The following ADGRG2 variants were observed in gnomAD, a reference collection of about 807,000 sequenced individuals.
ADGRG2 encodes adhesion G protein-coupled receptor G2.
In ADGRG2, 26 loss-of-function variants were observed where a neutral mutation model predicts 74.1. That is an observed-to-expected ratio of 0.35 (90% CI 0.26 to 0.49). The LOEUF is 0.49. ADGRG2 is among the 20% of genes least tolerant of loss of function. ADGRG2 has a pLI of 0.99. For synonymous variants in ADGRG2, 296 were observed against 295.2 expected (o/e 1.00, Z -0.03); for missense variants, 619 against 763.1 (o/e 0.81, Z 2.22).
chrX:19,065,905 T>C (rs192173390), intron 3 of ADGRG2, among the ~76,000 whole-genome samples: 1 of 112,565 alleles, frequency 8.9e-6, no homozygotes, highest in African/African-American at 3.2e-5. Flanking sequence ...TGGAGTGCAA[T>C]GGCATGATCT....
chrX:19,044,917 C>A (rs1054807331), intron 3 of ADGRG2, among the ~76,000 whole-genome samples: 6 of 112,147 alleles, frequency 5.4e-5, no homozygotes, highest in African/African-American at 1.9e-4. Flanking sequence ...CAGCCAACAA[C>A]TTTGCAAATG....
At chrX:18,992,878 C>T (rs1211028576) in intron 28 of ADGRG2, among the ~76,000 whole-genome samples, 1 of 112,242 alleles carries the variant, frequency 8.9e-6, no homozygotes, top group Non-Finnish European at 1.9e-5. Context: ...GAGGCTTCAT[C>T]TCTGAGCTCT....
chrX:19,078,381 C>T (rs753754853), intron 2 of ADGRG2, among the ~76,000 whole-genome samples: 1 of 110,586 alleles, frequency 9.0e-6, no homozygotes, highest in Non-Finnish European at 1.9e-5. Flanking sequence ...GGGACCCCCC[C>T]TCCATCTCTA....
chrX:19,001,180 G>T (rs1030161517), intron 24 of ADGRG2, among the ~76,000 whole-genome samples: 3 of 111,451 alleles, frequency 2.7e-5, no homozygotes, highest in African/African-American at 9.8e-5. Context: ...GCTGATCCAG[G>T]GGGTGGTGAC....
At chrX:19,082,230 T>C (rs1190545715) in intron 2 of ADGRG2, among the ~76,000 whole-genome samples, 2 of 111,148 alleles carry the variant, frequency 1.8e-5, no homozygotes, top group Non-Finnish European at 3.8e-5. Context: ...GACAGCTGCA[T>C]TTGCACAGCA....
chrX:19,008,445 C>A (rs1012827235), intron 18 of ADGRG2, among the ~76,000 whole-genome samples: 1 of 111,197 alleles, frequency 9.0e-6, no homozygotes, highest in African/African-American at 3.3e-5. Context: ...TCGGGAGGAT[C>A]ACCTGAGGTC....
rs73445679 is a variant in ADGRG2, at chrX:19,061,750, A to C, written c.118+6967T>G. On this transcript the variant is annotated intron_variant, in intron 3 of 28. Transcript: ENST00000379869. ...TAGTTAACCCAATGACTTGTGAATA[A>C]ATGCACAATCTTTGTCCACCCTCCT... Among the ~76,000 whole-genome samples the C allele has an allele frequency of 9.6e-3, 1,075 of 112,052 alleles. 6 individuals are homozygous for C. The highest frequency in any genetic ancestry group is 0.033 in the African/African-American group (1,003 of 30,823).
intron 1 of ADGRG2, among the ~76,000 whole-genome samples, chrX:19,121,819 T>C (rs750462475): frequency 9.0e-6 from 1 of 111,169 alleles, no homozygotes; most frequent in East Asian, 2.9e-4. Flanking sequence ...TCACTTTTTA[T>C]CGGGTTTCGG....
rs201997790 is a variant in ADGRG2 at position 19,065,300 on chromosome X, GAAAAAGA to G, written c.118+3410_118+3416del. On this transcript the variant is annotated intron_variant, in intron 3 of 28. Coordinates refer to ENST00000379869, the MANE Select transcript of ADGRG2 (RefSeq NM_001079858.3). ...AAAAAAAAAAAGTAAAGAAAAGAAA[GAAAAAGA>G]AAAAAACAAAAACAAAAACAAAATA... Among the ~76,000 whole-genome samples the G allele has an allele frequency of 4.8e-3, 354 of 74,136 alleles. 1 individual carries two copies. The highest frequency in any genetic ancestry group is 0.016 in the African/African-American group (340 of 20,869). 64.4% of individuals were successfully genotyped at this position (74,136 alleles called of 115,157 possible). A position where few individuals can be genotyped will look rare whatever the true frequency, so the allele number is the denominator to read the frequency against.
chrX:19,049,450 T>TG (rs1411661850), intron 3 of ADGRG2, among the ~76,000 whole-genome samples: 6 of 103,926 alleles, frequency 5.8e-5, no homozygotes, highest in South Asian at 4.2e-4. Flanking sequence ...TTTTTTTTTT[T>TG]TTTTTTTGTT....
chrX:19,000,151 G>A lies in ADGRG2; in HGVS notation c.2231-191C>T, dbSNP rs180791825. Among the ~76,000 whole-genome samples, 627 of 110,141 alleles carry A rather than the reference G, an allele frequency of 5.7e-3. 4 individuals are homozygous for A. The highest frequency in any genetic ancestry group is 0.02 in the African/African-American group (595 of 30,272). The stretch of plus-strand genomic sequence containing the variant: ...TGGGATTACAGGCGCGTGCCACCAT[G>A]CCTGGCTAATTTTTGTTTTGTATTT... On this transcript the variant is annotated intron_variant, in intron 24 of 28. Coordinates refer to ENST00000379869, the MANE Select transcript of ADGRG2 (RefSeq NM_001079858.3).
intron 24 of ADGRG2, among the ~76,000 whole-genome samples, chrX:19,000,902 T>C (rs764661359): frequency 1.8e-5 from 2 of 109,320 alleles, no homozygotes; most frequent in East Asian, 2.9e-4. Context: ...ACCTGGCTAA[T>C]TTTTGTATTT....
chrX:19,103,774 C>T (rs1387110332), intron 1 of ADGRG2, among the ~76,000 whole-genome samples: 2 of 111,608 alleles, frequency 1.8e-5, no homozygotes, highest in Non-Finnish European at 3.8e-5. Flanking sequence ...GGCAGCACAG[C>T]CTGGCAGAGG....
Position 19,023,987 on chromosome X carries a change from T to C in ADGRG2, c.471-39A>G, listed in dbSNP as rs2060647583. 9 of 967,419 alleles carry C rather than the reference T, an allele frequency of 9.3e-6. No individual in the cohort carries two copies. In the East Asian group the frequency reaches 2.7e-4, roughly 30 times the overall value. 79.7% of individuals were successfully genotyped at this position (967,419 alleles called of 1,213,427 possible). On this transcript the variant is annotated intron_variant, in intron 11 of 28. Coordinates refer to ENST00000379869, the MANE Select transcript of ADGRG2 (RefSeq NM_001079858.3). The stretch of plus-strand genomic sequence containing the variant: ...AGAGAAATTGACATTAAGGAGACCA[T>C]TAGTGATATTAAATTGAAAACATGT...
chrX:19,045,287 G>GGGT (rs1167782979), intron 3 of ADGRG2, among the ~76,000 whole-genome samples: 1 of 59,185 alleles, frequency 1.7e-5, no homozygotes, highest in Non-Finnish European at 3.6e-5. Context: ...CAGAAATGGG[G>GGGT]GGTGTTGTTA....
At chrX:19,045,824 A>G (rs1030378997) in intron 3 of ADGRG2, among the ~76,000 whole-genome samples, 3 of 111,246 alleles carry the variant, frequency 2.7e-5, no homozygotes, top group African/African-American at 9.8e-5. Flanking sequence ...CCACAGTCTC[A>G]ATTCAGCCTC....
chrX:19,017,470 G>C (rs1217900689), intron 15 of ADGRG2, among the ~76,000 whole-genome samples: 1 of 111,678 alleles, frequency 9.0e-6, no homozygotes, highest in Non-Finnish European at 1.9e-5. Flanking sequence ...ACTAGGGGCA[G>C]CCACTAGGGG....
At chrX:19,013,639 A>G (rs201893691) in intron 16 of ADGRG2, 47 bp downstream of exon 16, 21 of 1,075,493 alleles carry the variant, frequency 2.0e-5, no homozygotes, top group Non-Finnish European at 2.5e-5. Context: ...TGGTCTTATC[A>G]TAGATGTCTT....
chrX:19,109,271 G>T, intron 1 of ADGRG2, among the ~76,000 whole-genome samples: 1 of 111,246 alleles, frequency 9.0e-6, no homozygotes, highest in Non-Finnish European at 1.9e-5. Flanking sequence ...ATCCTACTGG[G>T]TCAAGGGTGA....
Sources: allele counts gnomAD v4.1 joint callset (sites outside exome capture counted in the v4.1 genomes callset), GRCh38; gene constraint gnomAD v4.1.1; transcripts MANE v1.5; gene names NCBI Gene and HGNC (gene_info 2026-07-23, HGNC 2026-07-21).